Variants in TAOK3 observed in about 807,000 individuals in gnomAD.
TAOK3 encodes TAO kinase 3.
A neutral mutation model predicts 120.4 loss-of-function variants in TAOK3; 40 were observed. That is an observed-to-expected ratio of 0.33 (90% CI 0.26 to 0.43). The LOEUF (loss-of-function observed/expected upper bound fraction) is 0.43, where lower values mean the gene tolerates loss of function less well. Among genes scored for constraint, TAOK3 ranks in the 20% least tolerant of loss-of-function variants. TAOK3 has a pLI of 1.00. For missense variants in TAOK3, 821 were observed against 1,112.1 expected (o/e 0.74, Z 3.72); for synonymous variants, 355 against 387.5 (o/e 0.92, Z 0.99).
chr12:118,196,694 G>C (rs565282476), intron 13 of TAOK3, among the ~76,000 whole-genome samples: 1 of 152,224 alleles, frequency 6.6e-6, no homozygotes, highest in East Asian at 1.9e-4. Flanking sequence ...TGTAAAGATA[G>C]CTAAGATTAT....
intron 1 of TAOK3, among the ~76,000 whole-genome samples, chr12:118,370,952 C>G (rs1045416878): frequency 6.6e-6 from 1 of 152,190 alleles, no homozygotes; most frequent in Non-Finnish European, 1.5e-5. Flanking sequence ...GATAAGAAAT[C>G]TAATTGGAAA....
intron 15 of TAOK3, 44 bp from the exon 16 acceptor site, chr12:118,177,373 C>G (rs1448359504): frequency 1.3e-6 from 2 of 1,594,764 alleles, no homozygotes; most frequent in Admixed American, 3.4e-5. Flanking sequence ...CTATTCTTTA[C>G]ACAGAATTCA....
At chr12:118,347,955 C>T (rs2044944395) in intron 1 of TAOK3, among the ~76,000 whole-genome samples, 1 of 152,168 alleles carries the variant, frequency 6.6e-6, no homozygotes, top group Non-Finnish European at 1.5e-5. Flanking sequence ...CTTTTCTATT[C>T]AAATATCTTA....
At chr12:118,171,529 G>A (rs1250654501) in intron 17 of TAOK3, among the ~76,000 whole-genome samples, 1 of 152,118 alleles carries the variant, frequency 6.6e-6, no homozygotes, top group African/African-American at 2.4e-5. Flanking sequence ...GGTAATTTTT[G>A]TATTTTTAGT....
intron 13 of TAOK3, among the ~76,000 whole-genome samples, chr12:118,192,361 T>C (rs2037478782): frequency 6.6e-6 from 1 of 152,220 alleles, no homozygotes; most frequent in Non-Finnish European, 1.5e-5. Context: ...TTAAATATAA[T>C]AATGCTAATA....
In TAOK3 at chr12:118,152,578, C is replaced by T. The variant is rs1192149599; in HGVS notation, c.2353-169G>A. ...TTCAGAGTTGGGAATCAAAAACAGT[C>T]AAGTCTGCCCAATGGGCTACAATAC... On this transcript the variant is annotated intron_variant, in intron 19 of 20. Coordinates refer to ENST00000392533, the MANE Select transcript of TAOK3 (RefSeq NM_016281.4). 8 of 607,870 alleles carry T rather than the reference C, an allele frequency of 1.3e-5. No homozygotes were observed. In the East Asian group the frequency reaches 1.6e-4, roughly 13 times the overall value. The allele number at this position is 607,870 out of a possible 1,614,324, so 37.7% of individuals were successfully genotyped here.
intron 1 of TAOK3, among the ~76,000 whole-genome samples, chr12:118,279,571 A>G (rs1355963315): frequency 2.1e-5 from 3 of 145,618 alleles, no homozygotes; most frequent in Non-Finnish European, 3.0e-5. Context: ...TCTTTAATCC[A>G]TCTTGAGTTG....
intron 1 of TAOK3, among the ~76,000 whole-genome samples, chr12:118,336,838 G>T (rs1412092676): frequency 6.6e-6 from 1 of 152,166 alleles, no homozygotes; most frequent in Non-Finnish European, 1.5e-5. Flanking sequence ...TTGGGAAGCC[G>T]ACGCAGGAGG....
chr12:118,163,883 T>C (rs1359522282), intron 17 of TAOK3, among the ~76,000 whole-genome samples: 2 of 152,048 alleles, frequency 1.3e-5, no homozygotes, highest in Non-Finnish European at 2.9e-5. Flanking sequence ...GGCTAACTTT[T>C]GTATTTTTAG....
chr12:118,351,738 G>A (rs996620584), intron 1 of TAOK3, among the ~76,000 whole-genome samples: 1 of 151,960 alleles, frequency 6.6e-6, no homozygotes, highest in African/African-American at 2.4e-5. Flanking sequence ...TTTTTGCAGG[G>A]CACACCTTCA....
At position 118,160,731 on chromosome 12, in the gene TAOK3, GT is replaced by G. The variant is rs914477853; in HGVS notation, c.2140-374del. On this transcript the variant is annotated intron_variant, in intron 18 of 20. Coordinates refer to ENST00000392533, the MANE Select transcript of TAOK3 (RefSeq NM_016281.4). This position sits in a 1 kb window ranked among gnomAD's most constrained non-coding sequence, Gnocchi z 4.2. ...ACTTCAGTGTCTTCCATTGTTCATT[GT>G]TTTTCCCCCCTTTTTTTTTGTTTCT... 7.9e-5 allele frequency among the ~76,000 whole-genome samples: 12 copies of G among 152,032 alleles called. No individual in the cohort carries two copies. Among genetic ancestry groups the G allele is most frequent in the African/African-American group, 2.9e-4 (12 of 41,410 alleles).
chr12:118,255,057 C>T (rs3852532), intron 3 of TAOK3, among the ~76,000 whole-genome samples: 19,010 of 151,560 alleles, frequency 0.13, 1,277 homozygotes, highest in Middle Eastern at 0.15. Context: ...CCACTGTGCC[C>T]GGCTGAAGCT....
chr12:118,355,052 G>A (rs1276031160), intron 1 of TAOK3, among the ~76,000 whole-genome samples: 2 of 151,952 alleles, frequency 1.3e-5, no homozygotes, highest in East Asian at 1.9e-4. Context: ...GTGGCAAAGT[G>A]AGACTCTGTC....
At chr12:118,178,974 C>T (rs965148659) in intron 15 of TAOK3, among the ~76,000 whole-genome samples, 3 of 152,142 alleles carry the variant, frequency 2.0e-5, no homozygotes, top group East Asian at 1.9e-4. Context: ...GCTCTTTTTA[C>T]GTATCTTTTT....
intron 19 of TAOK3, chr12:118,152,624 T>C (rs561914293): frequency 1.8e-5 from 9 of 513,638 alleles, no homozygotes; most frequent in African/African-American, 1.3e-4. Flanking sequence ...CTTTTCAGTA[T>C]GATCTGAAAC....
chr12:118,161,950 T>G lies in TAOK3; in HGVS notation c.1977A>C (p.Leu659=). The change falls in exon 18 of 21, where the codon CTA becomes CTC. Residue 659 remains leucine, a synonymous_variant. Transcript: ENST00000392533. The surrounding 1 kb of genome is among the most constrained non-coding windows in gnomAD (Gnocchi z 4.5). ...LIRHDESTRE[L]EYRQLHTLQK... ...GTAACGTGTGCAGCTGCCTGTACTCTAGCTCTCGGGTGGACTCGTCGTGCC... is the reference window on the plus strand; with the variant it reads ...GTAACGTGTGCAGCTGCCTGTACTCGAGCTCTCGGGTGGACTCGTCGTGCC... The G allele has an allele frequency of 6.2e-7, 1 of 1,614,194 alleles. No individual in the cohort carries two copies. The highest frequency in any genetic ancestry group is 1.1e-5 in the South Asian group (1 of 91,076).
chr12:118,350,483 TAACA>T (rs1230088482), intron 1 of TAOK3, among the ~76,000 whole-genome samples: 1 of 152,202 alleles, frequency 6.6e-6, no homozygotes, highest in Non-Finnish European at 1.5e-5. Flanking sequence ...ACCTAGCACC[TAACA>T]AGCACTCATT....
intron 16 of TAOK3, 22 bp downstream of exon 16, chr12:118,177,179 G>A (rs753283665): frequency 4.3e-6 from 7 of 1,609,942 alleles, no homozygotes; most frequent in Non-Finnish European, 5.9e-6. Flanking sequence ...AACTTGGTGA[G>A]AACAAACATT....
chr12:118,337,793 T>C (rs2044427651), intron 1 of TAOK3, among the ~76,000 whole-genome samples: 1 of 152,214 alleles, frequency 6.6e-6, no homozygotes, highest in South Asian at 2.1e-4. Flanking sequence ...GAAGTAGCTG[T>C]GATAATGTAG....
Sources: gnomAD v4.1 joint callset for allele counts (sites outside exome capture counted in the v4.1 genomes callset) on GRCh38, gnomAD v4.1.1 for gene constraint, Gnocchi (gnomAD v3.1) non-coding constraint, MANE v1.5 for transcripts, NCBI Gene and HGNC (gene_info 2026-07-23, HGNC 2026-07-21) for gene names.